Variants in OTOGL observed in about 807,000 individuals in gnomAD.
OTOGL encodes the protein otogelin like.
OTOGL carries 285 observed loss-of-function variants against 318.5 expected under a neutral mutation model. The ratio of observed to expected loss-of-function variants is 0.89; its 90% CI spans 0.81 to 0.99. The LOEUF is 0.99. Ranked by LOEUF, OTOGL falls within the 50% of genes least tolerant of loss-of-function variation. The probability of loss-of-function intolerance (pLI) is 0.00; values close to 1 mark genes in which losing one functional copy is unlikely to be tolerated. For synonymous variants in OTOGL, 987 were observed against 936.5 expected (o/e 1.05, Z -0.99); for missense variants, 2,899 against 2,845.6 (o/e 1.02, Z -0.43).
intron 5 of OTOGL, among the ~76,000 whole-genome samples, chr12:80,219,389 G>C (rs947147004): frequency 1.3e-5 from 2 of 152,248 alleles, no homozygotes; most frequent in Non-Finnish European, 2.9e-5. Context: ...TGGGATTACA[G>C]GCATGAGAGA....
chr12:80,369,047 A>G lies in OTOGL; in HGVS notation c.6615+738A>G, dbSNP rs1057199345. 3.3e-5 allele frequency among the ~76,000 whole-genome samples: 5 copies of G among 152,082 alleles called. No homozygotes were observed. The East Asian group carries it at 9.6e-4, about 29-fold the overall frequency. ...ATATATATATGTATAATACACACATATATTTTTATTATGTACAAATCAGTA... is the reference window on the plus strand; with the variant it reads ...ATATATATATGTATAATACACACATGTATTTTTATTATGTACAAATCAGTA... On this transcript the variant is annotated intron_variant, in intron 55 of 58. Coordinates refer to ENST00000547103, the MANE Select transcript of OTOGL (RefSeq NM_001378609.3).
intron 1 of OTOGL, among the ~76,000 whole-genome samples, chr12:80,103,755 C>T (rs530477505): frequency 6.6e-5 from 10 of 152,238 alleles, no homozygotes; most frequent in South Asian, 4.1e-4. Context: ...ATGGAAATAC[C>T]GCTAGTATTA....
intron 1 of OTOGL, chr12:80,133,355 A>G (rs758409616): frequency 6.6e-6 from 1 of 152,190 alleles, no homozygotes; most frequent in Non-Finnish European, 1.5e-5. Flanking sequence ...TTTGAGATAT[A>G]TATTAGAGAT....
At chr12:80,356,617 A>G (rs1294798187) in intron 48 of OTOGL, 97 bp downstream of exon 48, 22 of 1,030,026 alleles carry the variant, frequency 2.1e-5, no homozygotes, top group South Asian at 4.3e-5. Flanking sequence ...AGAATGATTT[A>G]TTATAAAAGA....
chr12:80,367,596 G>A lies in OTOGL; in HGVS notation c.6367G>A (p.Val2123Ile). ...TGTGTGTGTATTTCAAGAAGTATCAGTATTGAATCCTGGACAATCCATGAT... is the reference window on the plus strand; with the variant it reads ...TGTGTGTGTATTTCAAGAAGTATCAATATTGAATCCTGGACAATCCATGAT... Reference protein sequence around the residue: ...DDVCVFQEVSVLNPGQSMIKY... With the variant: ...DDVCVFQEVSILNPGQSMIKY... Residue 2123 changes from valine to isoleucine, a missense_variant, in exon 54 of 59, where the codon GTA becomes ATA. This residue lies in a region of OTOGL where 289 missense variants were observed against 304.6 expected (regional missense o/e 0.95). Transcript: ENST00000547103. The A allele has an allele frequency of 6.5e-7, 1 of 1,545,322 alleles. No individual in the cohort carries two copies.
At chr12:80,324,043 A>G (rs1049994647) in intron 35 of OTOGL, among the ~76,000 whole-genome samples, 1 of 152,276 alleles carries the variant, frequency 6.6e-6, no homozygotes, top group Non-Finnish European at 1.5e-5. Flanking sequence ...CTGGGGAGAC[A>G]GTACTGAACA....
At chr12:80,372,577 AAAT>A (rs1890943027) in intron 57 of OTOGL, among the ~76,000 whole-genome samples, 2 of 152,152 alleles carry the variant, frequency 1.3e-5, no homozygotes, top group African/African-American at 4.8e-5. Flanking sequence ...ATATTTTAGT[AAAT>A]AATATTTATA....
chr12:80,235,101 T>C (rs141350948), intron 9 of OTOGL, among the ~76,000 whole-genome samples: 1 of 152,160 alleles, frequency 6.6e-6, no homozygotes, highest in African/African-American at 2.4e-5. Flanking sequence ...TTTATTTTTC[T>C]TCTGTATCAA....
At chr12:80,297,396 A>G (rs1885482291) in intron 27 of OTOGL, among the ~76,000 whole-genome samples, 1 of 148,954 alleles carries the variant, frequency 6.7e-6, no homozygotes, top group Admixed American at 6.7e-5. Context: ...CAGTGGCACG[A>G]TCTCGGCTCA....
At chr12:80,146,393 T>C (rs1452023552) in intron 1 of OTOGL, among the ~76,000 whole-genome samples, 1 of 150,926 alleles carries the variant, frequency 6.6e-6, no homozygotes, top group Non-Finnish European at 1.5e-5. Context: ...CAGCCTTGCA[T>C]CCCAGGGATG....
At chr12:80,286,120 T>C (rs1884602499) in intron 26 of OTOGL, among the ~76,000 whole-genome samples, 1 of 152,246 alleles carries the variant, frequency 6.6e-6, no homozygotes, top group Admixed American at 6.5e-5. Context: ...TCTGCATCTA[T>C]TGAAATAATC....
At chr12:80,174,796 G>A (rs1207059783) in intron 1 of OTOGL, among the ~76,000 whole-genome samples, 2 of 152,086 alleles carry the variant, frequency 1.3e-5, no homozygotes, top group Admixed American at 6.6e-5. Flanking sequence ...ATTATTTAAT[G>A]CATGTAGATT....
chr12:80,154,269 A>T (rs1043985080), intron 1 of OTOGL, among the ~76,000 whole-genome samples: 1 of 152,146 alleles, frequency 6.6e-6, no homozygotes. Context: ...AGATCATGCC[A>T]CTGCACTCCA....
rs144706039 is a variant in OTOGL at position 80,181,383 on chromosome 12, C to A, written c.-19-28030C>A. ...ATAATTACCTTACAGCAGACTGGCC[C>A]ACCCCCTTTGGTGGTTATTGAATAT... On this transcript the variant is annotated intron_variant, in intron 1 of 58. Transcript: ENST00000547103. Among the ~76,000 whole-genome samples the A allele has an allele frequency of 2.8e-3, 423 of 152,040 alleles. 1 individual carries two copies. Among genetic ancestry groups the A allele is most frequent in the African/African-American group, 9.5e-3 (394 of 41,446 alleles).
intron 1 of OTOGL, among the ~76,000 whole-genome samples, chr12:80,159,022 G>T (rs1354239024): frequency 6.6e-6 from 1 of 151,998 alleles, no homozygotes; most frequent in South Asian, 2.1e-4. Flanking sequence ...TGCTGATTTT[G>T]CTGAGGGTTT....
chr12:80,149,925 G>A (rs554433748), intron 1 of OTOGL, among the ~76,000 whole-genome samples: 12 of 152,188 alleles, frequency 7.9e-5, no homozygotes, highest in Non-Finnish European at 1.2e-4. Context: ...TGCACGGTGC[G>A]CGCACCCACT....
At chr12:80,269,837 G>A (rs2137580424) in intron 22 of OTOGL, among the ~76,000 whole-genome samples, 1 of 152,142 alleles carries the variant, frequency 6.6e-6, no homozygotes, top group East Asian at 1.9e-4. Context: ...ACAAATTATG[G>A]TAAGAACTAT....
At chr12:80,200,764 G>A (rs1354044911) in intron 1 of OTOGL, among the ~76,000 whole-genome samples, 1 of 152,188 alleles carries the variant, frequency 6.6e-6, no homozygotes, top group Non-Finnish European at 1.5e-5. Context: ...TTGAAATACT[G>A]TGTTCAGTAA....
In OTOGL at chr12:80,323,336, G is replaced by C. The variant is rs187565247; in HGVS notation, c.4082-387G>C. On this transcript the variant is annotated intron_variant, in intron 34 of 58. Transcript: ENST00000547103. ...GTAGTCAAAGAAGGGTCAAACCCTA[G>C]GAGGGTTCATATAAGAAACTGTTAG... 2.6e-5 allele frequency among the ~76,000 whole-genome samples: 4 copies of C among 152,232 alleles called. No individual in the cohort carries two copies. The East Asian group carries it at 7.7e-4, about 29-fold the overall frequency.
Sources: allele counts gnomAD v4.1 joint callset (sites outside exome capture counted in the v4.1 genomes callset), GRCh38; gene constraint gnomAD v4.1.1; regional missense constraint gnomAD v4.1.1; transcripts MANE v1.5; gene names NCBI Gene and HGNC (gene_info 2026-07-23, HGNC 2026-07-21).